The following ADARB2 variants were observed in gnomAD, a reference collection of about 807,000 sequenced individuals.
The protein encoded by ADARB2 is inactive double-stranded RNA-specific editase B2.
Under a neutral mutation model 62.2 loss-of-function variants are expected in ADARB2, and 25 were observed. The observed-to-expected ratio is 0.40, with a 90% confidence interval of 0.29 to 0.56. The LOEUF (loss-of-function observed/expected upper bound fraction) is 0.56. Ranked by LOEUF, ADARB2 falls within the 20% of genes least tolerant of loss-of-function variation. The pLI is 0.43. For missense variants in ADARB2, 1,071 were observed against 1,077.4 expected (o/e 0.99, Z 0.08); for synonymous variants, 572 against 500.8 (o/e 1.14, Z -1.90).
At chr10:1,309,121 A>G (rs1024965124) in intron 3 of ADARB2, among the ~76,000 whole-genome samples, 1 of 152,130 alleles carries the variant, frequency 6.6e-6, no homozygotes, top group Non-Finnish European at 1.5e-5. Context: ...GGTTGTAGGA[A>G]TTTGCACTTG....
intron 1 of ADARB2, among the ~76,000 whole-genome samples, chr10:1,555,364 C>T (rs555157795): frequency 6.6e-6 from 1 of 152,324 alleles, no homozygotes; most frequent in East Asian, 1.9e-4. Flanking sequence ...TTCTCTGCAA[C>T]CTCACAAGCA....
intron 3 of ADARB2, among the ~76,000 whole-genome samples, chr10:1,308,647 C>A (rs1831655035): frequency 6.6e-6 from 1 of 152,216 alleles, no homozygotes; most frequent in Non-Finnish European, 1.5e-5. Flanking sequence ...TTGCTCCACA[C>A]CCTCACTGGC....
chr10:1,610,439 T>C (rs2132020452), intron 1 of ADARB2, among the ~76,000 whole-genome samples: 1 of 152,322 alleles, frequency 6.6e-6, no homozygotes, highest in South Asian at 2.1e-4. Flanking sequence ...GAAAAAGGGA[T>C]AATTTTCAGT....
chr10:1,540,395 G>A (rs536379074), intron 1 of ADARB2, among the ~76,000 whole-genome samples: 2 of 134,128 alleles, frequency 1.5e-5, no homozygotes, highest in Non-Finnish European at 3.4e-5. Context: ...TCCAGGGCAC[G>A]TGAGTCTCAC....
intron 1 of ADARB2, among the ~76,000 whole-genome samples, chr10:1,466,667 G>A (rs888616437): frequency 6.6e-6 from 1 of 152,104 alleles, no homozygotes; most frequent in East Asian, 1.9e-4. Flanking sequence ...AGGCTCTGCC[G>A]TGGGGACTAA....
chr10:1,301,067 C>A (rs768437207), intron 3 of ADARB2, among the ~76,000 whole-genome samples: 1 of 152,128 alleles, frequency 6.6e-6, no homozygotes, highest in Non-Finnish European at 1.5e-5. Flanking sequence ...AAATACAGGG[C>A]ACATAAGCAC....
chr10:1,502,142 A>T (rs1485351635), intron 1 of ADARB2, among the ~76,000 whole-genome samples: 1 of 152,216 alleles, frequency 6.6e-6, no homozygotes, highest in Non-Finnish European at 1.5e-5. Flanking sequence ...GAACGGACAC[A>T]ATAGCTGTTG....
At chr10:1,591,389 T>TAA (rs56403583) in intron 1 of ADARB2, among the ~76,000 whole-genome samples, 3 of 152,166 alleles carry the variant, frequency 2.0e-5, no homozygotes, top group African/African-American at 4.8e-5. Context: ...TAAGCACTGT[T>TAA]AAAAGGGTTC....
intron 3 of ADARB2, among the ~76,000 whole-genome samples, chr10:1,324,120 T>C (rs969486621): frequency 1.3e-5 from 2 of 152,138 alleles, no homozygotes; most frequent in Admixed American, 6.5e-5. Flanking sequence ...AGACGATACA[T>C]GGATATATGG....
chr10:1,424,848 C>T (rs963537114), intron 1 of ADARB2, among the ~76,000 whole-genome samples: 1 of 152,114 alleles, frequency 6.6e-6, no homozygotes, highest in African/African-American at 2.4e-5. Flanking sequence ...TGTTTGAAGA[C>T]AAGGCTAGCC....
chr10:1,194,940 A>G (rs1836889495), intron 8 of ADARB2, among the ~76,000 whole-genome samples: 1 of 152,054 alleles, frequency 6.6e-6, no homozygotes, highest in Admixed American at 6.5e-5. Flanking sequence ...GCAATATTCT[A>G]TTTATAATTT....
intron 1 of ADARB2, among the ~76,000 whole-genome samples, chr10:1,533,029 CCCT>C (rs1832270192): frequency 6.6e-6 from 1 of 152,166 alleles, no homozygotes; most frequent in Non-Finnish European, 1.5e-5. Context: ...CCGGCCTCCA[CCCT>C]CCTCGAAGCA....
chr10:1,680,446 A>G (rs1478092139), intron 1 of ADARB2, among the ~76,000 whole-genome samples: 2 of 152,030 alleles, frequency 1.3e-5, no homozygotes, highest in African/African-American at 4.8e-5. Flanking sequence ...AAGACTGCTG[A>G]TCGTCTTAGC....
intron 1 of ADARB2, among the ~76,000 whole-genome samples, chr10:1,632,443 C>T (rs184565498): frequency 1.3e-5 from 2 of 151,986 alleles, no homozygotes; most frequent in Non-Finnish European, 2.9e-5. Flanking sequence ...CTTGCACACA[C>T]ATGCACACTA....
intron 3 of ADARB2, among the ~76,000 whole-genome samples, chr10:1,328,431 T>C (rs1056036377): frequency 6.6e-6 from 1 of 152,134 alleles, no homozygotes; most frequent in East Asian, 1.9e-4. Flanking sequence ...ACCACGCCAA[T>C]GTGATGAAAT....
At chr10:1,373,339 C>T (rs1257308744) in intron 2 of ADARB2, among the ~76,000 whole-genome samples, 1 of 152,072 alleles carries the variant, frequency 6.6e-6, no homozygotes, top group Non-Finnish European at 1.5e-5. Context: ...CACCCACACA[C>T]ACACACACGC....
At chr10:1,696,142 T>C (rs1834741233) in intron 1 of ADARB2, among the ~76,000 whole-genome samples, 1 of 64,760 alleles carries the variant, frequency 1.5e-5, no homozygotes, top group Non-Finnish European at 3.3e-5. Context: ...ATCACACATG[T>C]ATATTGTGTG....
chr10:1,192,286 T>C (rs1836854358), intron 8 of ADARB2, among the ~76,000 whole-genome samples: 1 of 152,218 alleles, frequency 6.6e-6, no homozygotes, highest in Non-Finnish European at 1.5e-5. Flanking sequence ...TGAAATAGCA[T>C]GGCATCTGGG....
chr10:1,625,707 G>A (rs1833757351), intron 1 of ADARB2, among the ~76,000 whole-genome samples: 1 of 152,140 alleles, frequency 6.6e-6, no homozygotes, highest in Non-Finnish European at 1.5e-5. Flanking sequence ...GCCCTGGAAT[G>A]ACAGCCTCCA....
Sources: gnomAD v4.1 joint callset for allele counts (sites outside exome capture counted in the v4.1 genomes callset) on GRCh38, gnomAD v4.1.1 for gene constraint, MANE v1.5 for transcripts, NCBI Gene and HGNC (gene_info 2026-07-23, HGNC 2026-07-21) for gene names.